Variants in LINGO1 observed in about 807,000 individuals in gnomAD.
LINGO1 encodes the protein leucine-rich repeat and immunoglobulin-like domain-containing nogo receptor-interacting protein 1.
Under a neutral mutation model 37.3 loss-of-function variants are expected in LINGO1, and 11 were observed. The ratio of observed to expected loss-of-function variants is 0.29; its 90% confidence interval spans 0.19 to 0.49. The LOEUF is 0.49. LINGO1 is among the 20% of genes least tolerant of loss of function. The pLI, the probability that LINGO1 is intolerant of heterozygous loss-of-function variation, is 0.99. For missense variants in LINGO1, 585 were observed against 878.2 expected (o/e 0.67, Z 4.22); for synonymous variants, 387 against 403.0 (o/e 0.96, Z 0.48).
chr15:77,707,008 TC>T (rs2075861090), intron 2 of LINGO1, among the ~76,000 whole-genome samples: 1 of 152,172 alleles, frequency 6.6e-6, no homozygotes, highest in South Asian at 2.1e-4. Context: ...CCACACGGAT[TC>T]CCTGTAGAAG....
intron 1 of LINGO1, among the ~76,000 whole-genome samples, chr15:77,747,323 G>T (rs922017502): frequency 2.6e-5 from 4 of 152,192 alleles, no homozygotes; most frequent in Admixed American, 2.6e-4. Flanking sequence ...AGTGCAGACA[G>T]GTCCTGGGGG....
chr15:77,632,483 CCCCGCGCGGGCG>C lies in LINGO1; in HGVS notation c.-180_-169del. 2 of 624,552 alleles carry C rather than the reference CCCCGCGCGGGCG, an allele frequency of 3.2e-6. No individual in the cohort carries two copies. Among genetic ancestry groups the C allele is most frequent in the Non-Finnish European group, 4.5e-6 (2 of 443,018 alleles). The allele number at this position is 624,552 out of a possible 1,614,324, so 38.7% of individuals were successfully genotyped here. Reference sequence around the variant, plus strand: ...GCGGGGCTGGCTGTCCGTCTGTCCGCCCCGCGCGGGCGGGAGCCGAGCCGGAGCCGGGGCCGG... The same window carrying C: ...GCGGGGCTGGCTGTCCGTCTGTCCGCGGAGCCGAGCCGGAGCCGGGGCCGG... On this transcript the variant is annotated 5_prime_UTR_variant, in exon 1 of 2. Transcript: ENST00000355300. The surrounding 1 kb of genome is among the most constrained non-coding windows in gnomAD (Gnocchi z 6.0).
At chr15:77,808,002 T>C (rs2076974004) in intron 1 of LINGO1, among the ~76,000 whole-genome samples, 1 of 152,076 alleles carries the variant, frequency 6.6e-6, no homozygotes, top group Admixed American at 6.5e-5. Context: ...AGGCAGGGAA[T>C]GGGGTGGAAA....
chr15:77,630,954 T>C (rs2074237304), intron 1 of LINGO1, among the ~76,000 whole-genome samples: 1 of 152,178 alleles, frequency 6.6e-6, no homozygotes, highest in African/African-American at 2.4e-5. Context: ...GCCATCCCAG[T>C]AGACCTGCTG....
At chr15:77,693,003 C>T (rs1016247974) in intron 1 of LINGO1, among the ~76,000 whole-genome samples, 16 of 152,208 alleles carry the variant, frequency 1.1e-4, no homozygotes, top group East Asian at 1.9e-4. Flanking sequence ...GTGTCTCCTA[C>T]GCACGCAGGG....
At chr15:77,801,663 G>A (rs1358624314) in intron 1 of LINGO1, among the ~76,000 whole-genome samples, 5 of 151,928 alleles carry the variant, frequency 3.3e-5, no homozygotes, top group African/African-American at 9.7e-5. Flanking sequence ...TCTGGCTAAA[G>A]GGGGAGGGGA....
upstream of LINGO1, among the ~76,000 whole-genome samples, chr15:77,638,442 T>C (rs756351853): frequency 1.3e-5 from 2 of 152,218 alleles, no homozygotes; most frequent in Non-Finnish European, 2.9e-5. Context: ...GATCACTCCC[T>C]GGCTCCATGG....
chr15:77,757,529 A>G (rs1424074507), intron 1 of LINGO1, among the ~76,000 whole-genome samples: 1 of 152,236 alleles, frequency 6.6e-6, no homozygotes, highest in Non-Finnish European at 1.5e-5. Flanking sequence ...TGTGAAGACC[A>G]AGTCAAGGTG....
chr15:77,669,261 G>T (rs928905925), intron 3 of LINGO1, among the ~76,000 whole-genome samples: 3 of 152,198 alleles, frequency 2.0e-5, no homozygotes, highest in Admixed American at 2.0e-4. Context: ...CTGGCTTAGG[G>T]TCGCCTCTGC....
intron 3 of LINGO1, among the ~76,000 whole-genome samples, chr15:77,660,392 A>T (rs551843133): frequency 4.6e-5 from 7 of 152,176 alleles, no homozygotes; most frequent in Admixed American, 2.0e-4. Flanking sequence ...TCCGGAGGGG[A>T]GGGTGCCTGG....
At chr15:77,653,410 C>T (rs551843001) in intron 3 of LINGO1, among the ~76,000 whole-genome samples, 13 of 152,332 alleles carry the variant, frequency 8.5e-5, no homozygotes, top group Non-Finnish European at 1.9e-4. Context: ...GTGACAGGGG[C>T]CTCCCCAGCC....
intron 1 of LINGO1, among the ~76,000 whole-genome samples, chr15:77,624,006 TTGTG>T (rs903361559): frequency 1.4e-5 from 2 of 139,466 alleles, no homozygotes; most frequent in African/African-American, 5.3e-5. Context: ...TGAGTGGCCT[TTGTG>T]TGTGTGGTGT....
chr15:77,719,695 T>C (rs2076025824), intron 2 of LINGO1, among the ~76,000 whole-genome samples: 1 of 149,296 alleles, frequency 6.7e-6, no homozygotes, highest in African/African-American at 2.4e-5. Flanking sequence ...CACACACACA[T>C]GCTCTCATAC....
In LINGO1 at chr15:77,716,283, T is replaced by C. The variant is rs112965909; in HGVS notation, c.-195+18709A>G. Among the ~76,000 whole-genome samples, 257 of 119,434 alleles carry C rather than the reference T, an allele frequency of 2.2e-3. 10 individuals carry two copies. The highest frequency in any genetic ancestry group is 8.8e-3 in the Middle Eastern group (2 of 228). The allele number at this position is 119,434 out of a possible 152,430, so 78.4% of individuals were successfully genotyped here. On this transcript the variant is annotated intron_variant, in intron 2 of 3. Transcript: ENST00000561686. ...TATTTTCTTTCTTCTTCTTCTTCTT[T>C]TTTTTTTTTTTTTTTGAGACAGGGT...
At chr15:77,722,238 G>C (rs570386576) in intron 2 of LINGO1, among the ~76,000 whole-genome samples, 1 of 152,324 alleles carries the variant, frequency 6.6e-6, no homozygotes, top group Non-Finnish European at 1.5e-5. Flanking sequence ...CTCACTCGCA[G>C]CCCGTCTCTG....
At chr15:77,649,319 T>C (rs1034576673) in intron 3 of LINGO1, 1 of 152,258 alleles carries the variant, frequency 6.6e-6, no homozygotes, top group Non-Finnish European at 1.5e-5. Flanking sequence ...TAAATGTCCA[T>C]TCTTTGGTAA....
At chr15:77,698,402 C>T (rs1238848492), upstream of LINGO1, among the ~76,000 whole-genome samples, 1 of 152,186 alleles carries the variant, frequency 6.6e-6, no homozygotes, top group Non-Finnish European at 1.5e-5. Context: ...TTCTGGCCCA[C>T]CCAACAGAAG....
At chr15:77,818,421 G>A (rs1328767372) in intron 1 of LINGO1, among the ~76,000 whole-genome samples, 1 of 152,182 alleles carries the variant, frequency 6.6e-6, no homozygotes, top group Non-Finnish European at 1.5e-5. Flanking sequence ...AATGGGAGAG[G>A]GTACAAAGCA....
intron 2 of LINGO1, among the ~76,000 whole-genome samples, chr15:77,708,237 T>C (rs1364698548): frequency 6.6e-6 from 1 of 151,714 alleles, no homozygotes; most frequent in East Asian, 1.9e-4. Flanking sequence ...AGCAGGAGGG[T>C]GGATGGCAAG....
Sources: allele counts gnomAD v4.1 joint callset (sites outside exome capture counted in the v4.1 genomes callset), GRCh38; gene constraint gnomAD v4.1.1; non-coding constraint Gnocchi (gnomAD v3.1); transcripts MANE v1.5; gene names NCBI Gene and HGNC (gene_info 2026-07-23, HGNC 2026-07-21).